Variants in TXNDC16 observed in about 807,000 individuals in gnomAD.
The protein encoded by TXNDC16 is thioredoxin domain-containing protein 16.
In TXNDC16, 74 loss-of-function variants were observed where a neutral mutation model predicts 85.6. That is an observed-to-expected ratio of 0.86 (90% CI 0.72 to 1.05). The LOEUF (loss-of-function observed/expected upper bound fraction) is 1.05. TXNDC16 is among the 50% of genes least tolerant of loss of function. The pLI is 0.00. For synonymous variants in TXNDC16, 335 were observed against 326.5 expected (o/e 1.03, Z -0.28); for missense variants, 959 against 947.0 (o/e 1.01, Z -0.17).
At position 52,548,512 on chromosome 14, in the gene TXNDC16, T is replaced by C. The variant is rs1385615860; in HGVS notation, c.-182+3804A>G. On this transcript the variant is annotated intron_variant, in intron 1 of 20. Transcript: ENST00000281741. ...TCAATTCGCCAACAACCTGCCTTCA[T>C]GAGAACAGTTTGCTGTTTGCTCATA... 2.0e-5 allele frequency among the ~76,000 whole-genome samples: 3 copies of C among 152,288 alleles called. No individual in the cohort carries two copies. The East Asian group carries it at 5.8e-4, about 29-fold the overall frequency.
chr14:52,536,647 T>C (rs2037706969), intron 6 of TXNDC16, 72 bp downstream of exon 6: 3 of 1,227,882 alleles, frequency 2.4e-6, no homozygotes, highest in Non-Finnish European at 3.4e-6. Flanking sequence ...TTTTAATGAA[T>C]TGTGGTTATT....
chr14:52,514,832 A>G, intron 8 of TXNDC16, 48 bp downstream of exon 8: 1 of 1,414,902 alleles, frequency 7.1e-7, no homozygotes. Context: ...ATAAGTGAAG[A>G]AGAAAAAAAA....
intron 16 of TXNDC16, among the ~76,000 whole-genome samples, chr14:52,465,983 A>T (rs1228874274): frequency 6.6e-6 from 1 of 152,206 alleles, no homozygotes; most frequent in Non-Finnish European, 1.5e-5. Flanking sequence ...GGTAGAATCT[A>T]GGTGGTGAGT....
chr14:52,496,999 T>C (rs1454424568), intron 9 of TXNDC16, among the ~76,000 whole-genome samples: 1 of 152,074 alleles, frequency 6.6e-6, no homozygotes, highest in Non-Finnish European at 1.5e-5. Flanking sequence ...GGTAGTATCA[T>C]AAAAATTATA....
intron 14 of TXNDC16, among the ~76,000 whole-genome samples, chr14:52,473,162 T>C (rs564146803): frequency 6.6e-6 from 1 of 152,262 alleles, no homozygotes; most frequent in Non-Finnish European, 1.5e-5. Flanking sequence ...TCCTTTCCAC[T>C]TGGAGATGCC....
chr14:52,490,330 C>A, intron 11 of TXNDC16, 61 bp downstream of exon 11: 3 of 1,146,648 alleles, frequency 2.6e-6, no homozygotes, highest in Non-Finnish European at 3.6e-6. Flanking sequence ...TATTAAAGAC[C>A]ACATATATTA....
chr14:52,538,965 A>C (rs541507614), intron 4 of TXNDC16, among the ~76,000 whole-genome samples: 2 of 152,196 alleles, frequency 1.3e-5, no homozygotes, highest in East Asian at 3.8e-4. Context: ...AATTTTAAAA[A>C]TTTTTTAAGT....
intron 9 of TXNDC16, among the ~76,000 whole-genome samples, 179 bp downstream of exon 9, chr14:52,511,061 A>C (rs576385749): frequency 6.6e-6 from 1 of 152,116 alleles, no homozygotes; most frequent in East Asian, 1.9e-4. Flanking sequence ...CCTTTAATAA[A>C]GAATTATTCC....
At chr14:52,529,496 A>T (rs1286249618) in intron 6 of TXNDC16, among the ~76,000 whole-genome samples, 1 of 94,984 alleles carries the variant, frequency 1.1e-5, no homozygotes, top group African/African-American at 5.4e-5. Context: ...AATACCTACT[A>T]TATATTATAT....
chr14:52,527,850 A>T (rs918265838), intron 6 of TXNDC16, among the ~76,000 whole-genome samples: 3 of 152,040 alleles, frequency 2.0e-5, no homozygotes, highest in African/African-American at 7.2e-5. Context: ...CCCCTCTCCT[A>T]TGTAAATAGT....
intron 6 of TXNDC16, among the ~76,000 whole-genome samples, chr14:52,530,075 A>T (rs1402070095): frequency 1.1e-5 from 1 of 87,492 alleles, no homozygotes. Flanking sequence ...TATATTATAT[A>T]TTTATATTAT....
At chr14:52,437,855 A>G (rs926350894) in intron 20 of TXNDC16, among the ~76,000 whole-genome samples, 12 of 152,228 alleles carry the variant, frequency 7.9e-5, no homozygotes, top group African/African-American at 2.9e-4. Flanking sequence ...AATCAAACCT[A>G]CAATGAGATA....
intron 6 of TXNDC16, among the ~76,000 whole-genome samples, chr14:52,532,310 G>T (rs73296741): frequency 0.037 from 5,667 of 152,128 alleles, 328 homozygotes; most frequent in African/African-American, 0.13. Context: ...AGGCCACAGT[G>T]TGATATAATT....
At chr14:52,517,142 A>C (rs2037102051) in intron 7 of TXNDC16, among the ~76,000 whole-genome samples, 1 of 151,924 alleles carries the variant, frequency 6.6e-6, no homozygotes, top group Non-Finnish European at 1.5e-5. Context: ...AAGACCTACA[A>C]TCCATAGGTC....
chr14:52,549,354 T>C (rs1387154621), intron 1 of TXNDC16, among the ~76,000 whole-genome samples: 1 of 152,180 alleles, frequency 6.6e-6, no homozygotes, highest in Non-Finnish European at 1.5e-5. Flanking sequence ...TAAGAATGGC[T>C]CCGTGAGACA....
intron 1 of TXNDC16, among the ~76,000 whole-genome samples, chr14:52,549,094 TTC>T (rs1303592835): frequency 3.3e-5 from 5 of 152,228 alleles, no homozygotes; most frequent in Non-Finnish European, 7.3e-5. Flanking sequence ...GGTAAATGTT[TTC>T]CATAGCATGT....
At chr14:52,541,969 T>C (rs139824099) in intron 4 of TXNDC16, among the ~76,000 whole-genome samples, 10 of 152,276 alleles carry the variant, frequency 6.6e-5, no homozygotes, top group African/African-American at 2.4e-4. Flanking sequence ...AAAAAATTAT[T>C]TGTTTACCTC....
intron 18 of TXNDC16, among the ~76,000 whole-genome samples, chr14:52,450,397 C>T (rs1220577370): frequency 1.3e-5 from 2 of 149,436 alleles, no homozygotes; most frequent in African/African-American, 4.9e-5. Flanking sequence ...AATTCAAAAC[C>T]TAAATGGACC....
chr14:52,491,098 TA>T, intron 9 of TXNDC16, 93 bp from the exon 10 acceptor site: 18 of 1,375,700 alleles, frequency 1.3e-5, no homozygotes, highest in South Asian at 6.1e-5. Context: ...AAGTCATGAG[TA>T]AAAAAAAGTG....
Sources: gnomAD v4.1 joint callset for allele counts (sites outside exome capture counted in the v4.1 genomes callset) on GRCh38, gnomAD v4.1.1 for gene constraint, MANE v1.5 for transcripts, NCBI Gene and HGNC (gene_info 2026-07-23, HGNC 2026-07-21) for gene names.